TTLL5: variants seen among roughly 807,000 people sequenced by gnomAD.
The protein encoded by TTLL5 is tubulin polyglutamylase TTLL5.
A neutral mutation model predicts 168.4 loss-of-function variants in TTLL5; 132 were observed. The observed-to-expected ratio is 0.78, with a 90% confidence interval of 0.68 to 0.91. The LOEUF (loss-of-function observed/expected upper bound fraction) is 0.91. TTLL5 is among the 40% of genes least tolerant of loss of function. The probability of loss-of-function intolerance (pLI) is 0.00; values close to 1 mark genes in which losing one functional copy is unlikely to be tolerated. For synonymous variants in TTLL5, 546 were observed against 558.6 expected, an observed-to-expected ratio of 0.98 and a Z score of 0.32; for missense variants, 1,545 against 1,581.5, an observed-to-expected ratio of 0.98 and a Z score of 0.39.
intron 31 of TTLL5, among the ~76,000 whole-genome samples, chr14:75,923,339 GGGCATTTA>G (rs1001308172): frequency 8.5e-5 from 13 of 152,056 alleles, no homozygotes; most frequent in Non-Finnish European, 1.8e-4. Context: ...TTTCTCTTGT[GGGCATTTA>G]GTGCTATAAA....
At chr14:75,802,168 T>G (rs1181477870) in intron 27 of TTLL5, among the ~76,000 whole-genome samples, 2 of 152,180 alleles carry the variant, frequency 1.3e-5, no homozygotes, top group African/African-American at 2.4e-5. Context: ...GTTTTCTAAT[T>G]CATTATTTTC....
At chr14:75,903,403 G>A (rs1488035146) in intron 31 of TTLL5, among the ~76,000 whole-genome samples, 1 of 152,054 alleles carries the variant, frequency 6.6e-6, no homozygotes, top group Non-Finnish European at 1.5e-5. Flanking sequence ...GGCTTCCATG[G>A]ATCAGTGTGG....
intron 31 of TTLL5, among the ~76,000 whole-genome samples, chr14:75,937,556 T>C (rs2034472227): frequency 6.6e-6 from 1 of 152,174 alleles, no homozygotes. Context: ...GCAACCACCA[T>C]TCTACTTTCT....
At chr14:75,763,074 C>G (rs1161524396) in intron 18 of TTLL5, among the ~76,000 whole-genome samples, 1 of 151,894 alleles carries the variant, frequency 6.6e-6, no homozygotes, top group Non-Finnish European at 1.5e-5. Context: ...CGGTGTTAAG[C>G]TATGCCCATG....
rs56003773 is a variant in TTLL5 at position 75,843,887 on chromosome 14, A to G, written c.3327-19780A>G. On this transcript the variant is annotated intron_variant, in intron 28 of 31. Transcript: ENST00000298832. The stretch of plus-strand genomic sequence containing the variant: ...GTTTTGTTTTGTTTTGTTTTATTTT[A>G]TTTTATTTTATTTTATTTTATTTTG... 3.6e-4 allele frequency among the ~76,000 whole-genome samples: 24 copies of G among 67,462 alleles called. No individual in the cohort carries two copies. The African/African-American group carries it at 4.5e-3, about 13-fold the overall frequency. 44.3% of individuals were successfully genotyped at this position (67,462 alleles called of 152,430 possible).
chr14:75,797,042 C>T (rs1311315394), intron 27 of TTLL5, among the ~76,000 whole-genome samples: 1 of 152,072 alleles, frequency 6.6e-6, no homozygotes, highest in Non-Finnish European at 1.5e-5. Flanking sequence ...TGATTCTACC[C>T]ATCCATGAGC....
chr14:75,735,308 A>C lies in TTLL5; in HGVS notation c.1281+19A>C. On this transcript the variant is annotated intron_variant, in intron 15 of 31. Transcript: ENST00000298832. ...ACCTCAGGTAAGCCAATTCCACAGCAGGGAGCCTGAAGGAGGCTTACTGGG... is the reference window on the plus strand; with the variant it reads ...ACCTCAGGTAAGCCAATTCCACAGCCGGGAGCCTGAAGGAGGCTTACTGGG... 6.2e-7 allele frequency: 1 copy of C among 1,613,170 alleles called. No homozygotes were observed. The highest frequency in any genetic ancestry group is 2.2e-5 in the East Asian group (1 of 44,886).
chr14:75,941,227 T>C (rs1350554360), intron 31 of TTLL5, among the ~76,000 whole-genome samples: 1 of 152,228 alleles, frequency 6.6e-6, no homozygotes, highest in African/African-American at 2.4e-5. Flanking sequence ...CCCGGCGCCT[T>C]TGTGACAACC....
At chr14:75,749,854 A>G (rs1250620302) in intron 17 of TTLL5, among the ~76,000 whole-genome samples, 4 of 152,160 alleles carry the variant, frequency 2.6e-5, no homozygotes, top group African/African-American at 9.7e-5. Flanking sequence ...GGTGTATAAA[A>G]TAAATATTAG....
intron 12 of TTLL5, among the ~76,000 whole-genome samples, chr14:75,724,679 T>C (rs1289226199): frequency 6.6e-6 from 1 of 152,106 alleles, no homozygotes; most frequent in Non-Finnish European, 1.5e-5. Context: ...AGAAGATGGG[T>C]TTTGGCAATC....
chr14:75,700,200 C>G (rs1262692065), intron 7 of TTLL5, among the ~76,000 whole-genome samples: 1 of 152,094 alleles, frequency 6.6e-6, no homozygotes, highest in Non-Finnish European at 1.5e-5. Context: ...GAGAGGGCCC[C>G]CGCTACCACC....
intron 28 of TTLL5, 99 bp downstream of exon 28, chr14:75,820,260 T>A: frequency 7.8e-7 from 1 of 1,288,064 alleles, no homozygotes; most frequent in Non-Finnish European, 1.0e-6. Context: ...GAGATAGCAC[T>A]AAGGCATATG....
rs1594875410 is a variant in TTLL5, at chr14:75,690,296, T to G, written c.476T>G (p.Leu159Arg). The change falls in exon 6 of 32, where the codon CTG (leucine) becomes CGG (arginine). Residue 159 changes from leucine (L) to arginine (R), a missense_variant. By Grantham distance (102) the Leu-to-Arg change is moderately radical. Coordinates refer to ENST00000298832, the MANE Select transcript of TTLL5 (RefSeq NM_015072.5). ...AFHILPQTFL[L>R]PAEYAEFCNS... is the part of the protein sequence containing the mutation. ...CACATCCTCCCCCAGACCTTCCTCCTGCCAGCTGAGTACGCGGAATTTTGT... is the reference window on the plus strand; with the variant it reads ...CACATCCTCCCCCAGACCTTCCTCCGGCCAGCTGAGTACGCGGAATTTTGT... 6.2e-7 allele frequency: 1 copy of G among 1,609,250 alleles called. No homozygotes were observed. Among genetic ancestry groups the G allele is most frequent in the Middle Eastern group, 1.7e-4 (1 of 6,046 alleles).
intron 26 of TTLL5, among the ~76,000 whole-genome samples, chr14:75,789,436 T>C: frequency 6.6e-6 from 1 of 152,326 alleles, no homozygotes; most frequent in East Asian, 1.9e-4. Context: ...ATAAGATCAA[T>C]ATTTAAAAAT....
At chr14:75,743,683 G>T (rs1200176268) in intron 15 of TTLL5, among the ~76,000 whole-genome samples, 2 of 142,088 alleles carry the variant, frequency 1.4e-5, no homozygotes, top group African/African-American at 2.6e-5. Flanking sequence ...CTGGGTTCAC[G>T]CCATTCTCCT....
chr14:75,674,946 T>C (rs948322508), intron 3 of TTLL5, among the ~76,000 whole-genome samples: 1 of 152,074 alleles, frequency 6.6e-6, no homozygotes, highest in African/African-American at 2.4e-5. Flanking sequence ...TTATATCTAG[T>C]ATATATTTTA....
At chr14:75,697,868 T>C (rs1340957295) in intron 6 of TTLL5, among the ~76,000 whole-genome samples, 3 of 152,210 alleles carry the variant, frequency 2.0e-5, no homozygotes, top group Admixed American at 6.5e-5. Context: ...GGGACTGATA[T>C]CTTGGCGCAC....
In TTLL5 at chr14:75,663,070, A is replaced by G; in HGVS notation, c.-80A>G. ...TTTCTTGCAGGAATCTGTGCCATCC[A>G]AATTGCTTGATCCAGTGAATCTGCT... On this transcript the variant is annotated 5_prime_UTR_variant, in exon 2 of 32. Transcript: ENST00000298832. 8.0e-7 allele frequency: 1 copy of G among 1,257,164 alleles called. No homozygotes were observed. The allele number at this position is 1,257,164 out of a possible 1,614,324, so 77.9% of individuals were successfully genotyped here. A position where few individuals can be genotyped will look rare whatever the true frequency, so the allele number is the denominator to read the frequency against.
At chr14:75,816,115 C>T (rs541379420) in intron 27 of TTLL5, among the ~76,000 whole-genome samples, 4 of 152,270 alleles carry the variant, frequency 2.6e-5, no homozygotes, top group Admixed American at 6.5e-5. Flanking sequence ...AACAGTAGAA[C>T]CTGTTACAAA....
Sources: gnomAD v4.1 joint callset for allele counts (sites outside exome capture counted in the v4.1 genomes callset) on GRCh38, gnomAD v4.1.1 for gene constraint, MANE v1.5 for transcripts, NCBI Gene and HGNC (gene_info 2026-07-23, HGNC 2026-07-21) for gene names.